Variants in ZNF343 observed in about 807,000 individuals in gnomAD.
The protein encoded by ZNF343 is zinc finger protein 343.
A neutral mutation model predicts 13.8 loss-of-function variants in ZNF343; 11 were observed. The ratio of observed to expected loss-of-function variants is 0.80; its 90% confidence interval spans 0.50 to 1.32. The LOEUF is 1.32. Among genes scored for constraint, ZNF343 ranks in the 40% most tolerant of loss-of-function variants. ZNF343 has a pLI of 0.00. For synonymous variants in ZNF343, 248 were observed against 260.0 expected (o/e 0.95, Z 0.44); for missense variants, 658 against 714.2 (o/e 0.92, Z 0.90).
Position 2,483,567 on chromosome 20 carries a change from T to A in ZNF343, c.1394A>T (p.Tyr465Phe). 1.2e-6 allele frequency: 2 copies of A among 1,612,318 alleles called. No homozygotes were observed. The highest frequency in any genetic ancestry group is 4.5e-5 in the East Asian group (2 of 44,808). Residue 465 changes from tyrosine to phenylalanine, a missense_variant, in exon 6 of 6, where the codon TAT (tyrosine) becomes TTT (phenylalanine). Tyr to Phe is a conservative substitution (Grantham distance 22). Coordinates refer to ENST00000278772, the MANE Select transcript of ZNF343 (RefSeq NM_024325.6). ...GCCTCGGCCACACTCACCACACACA[T>A]AAGGCTTCTCTCCAGAGTGCGTCCG... ...HERTHSGEKP[Y>F]VCGECGRGFS... is the part of the protein sequence containing the mutation.
intron 5 of ZNF343, among the ~76,000 whole-genome samples, chr20:2,488,744 C>A (rs941058322): frequency 6.6e-6 from 1 of 152,104 alleles, no homozygotes; most frequent in African/African-American, 2.4e-5. Flanking sequence ...TGATTTTAAT[C>A]TATAAAAATA....
At chr20:2,517,155 A>G (rs967694572) in intron 1 of ZNF343, among the ~76,000 whole-genome samples, 16 of 152,218 alleles carry the variant, frequency 1.1e-4, no homozygotes, top group Non-Finnish European at 2.1e-4. Flanking sequence ...TTCATTGTGC[A>G]TTAGAGCATA....
intron 1 of ZNF343, among the ~76,000 whole-genome samples, chr20:2,523,979 C>CAAAA (rs56321237): frequency 9.6e-6 from 1 of 104,310 alleles, no homozygotes; most frequent in African/African-American, 4.6e-5. Context: ...GACCCCGTCT[C>CAAAA]AAAAAAAAAA....
chr20:2,523,979 C>CAAAAAAAAA (rs56321237), intron 1 of ZNF343, among the ~76,000 whole-genome samples: 1 of 104,324 alleles, frequency 9.6e-6, no homozygotes. Context: ...GACCCCGTCT[C>CAAAAAAAAA]AAAAAAAAAA....
intron 1 of ZNF343, among the ~76,000 whole-genome samples, chr20:2,515,869 G>A (rs183126531): frequency 2.4e-4 from 36 of 152,274 alleles, no homozygotes; most frequent in South Asian, 4.2e-4. Context: ...CAGTCAGGGC[G>A]ATGATCCGTA....
At chr20:2,498,361 A>C (rs2085496596) in intron 2 of ZNF343, among the ~76,000 whole-genome samples, 1 of 152,270 alleles carries the variant, frequency 6.6e-6, no homozygotes, top group South Asian at 2.1e-4. Flanking sequence ...CGTCTCCAAA[A>C]AAATAAAAAG....
At chr20:2,520,024 C>T (rs900672467) in intron 1 of ZNF343, among the ~76,000 whole-genome samples, 1 of 152,132 alleles carries the variant, frequency 6.6e-6, no homozygotes, top group Admixed American at 6.6e-5. Flanking sequence ...CTGACCATTT[C>T]ACACTTATTA....
intron 2 of ZNF343, among the ~76,000 whole-genome samples, chr20:2,500,041 A>G (rs534391818): frequency 2.0e-5 from 3 of 151,958 alleles, no homozygotes; most frequent in South Asian, 2.1e-4. Flanking sequence ...AATGCATAGG[A>G]TAGTATTTAT....
chr20:2,499,691 A>T (rs2085528079), intron 2 of ZNF343, among the ~76,000 whole-genome samples: 2 of 152,082 alleles, frequency 1.3e-5, no homozygotes, highest in African/African-American at 4.8e-5. Context: ...CACTAATTAG[A>T]AGGATGAGAA....
chr20:2,522,608 A>C (rs1229452440), intron 1 of ZNF343, among the ~76,000 whole-genome samples: 1 of 152,238 alleles, frequency 6.6e-6, no homozygotes, highest in Admixed American at 6.5e-5. Context: ...AAGCTGCTTA[A>C]TTACATTTAT....
chr20:2,490,157 G>T (rs1018509514), intron 5 of ZNF343, among the ~76,000 whole-genome samples: 1 of 152,130 alleles, frequency 6.6e-6, no homozygotes, highest in South Asian at 2.1e-4. Flanking sequence ...TGTGGTTGCA[G>T]GCAAGGAGAA....
In ZNF343 at chr20:2,518,057, A is replaced by G. The variant is rs907995656; in HGVS notation, c.-347+6398T>C. Among the ~76,000 whole-genome samples, 22 of 149,436 alleles carry G rather than the reference A, an allele frequency of 1.5e-4. No homozygotes were observed. The highest frequency in any genetic ancestry group is 4.9e-4 in the African/African-American group (20 of 40,460). ...GAGACAGAGTCTCACTCTGTTACCC[A>G]GGCTGGAGTGCAGTGGCTCGATCTC... is the stretch of plus-strand genomic sequence containing the variant. On this transcript the variant is annotated intron_variant, in intron 1 of 6. Transcript: ENST00000358413. The surrounding 1 kb of genome is among the most constrained non-coding windows in gnomAD (Gnocchi z 4.6).
At chr20:2,506,290 A>C (rs1243732946) in intron 1 of ZNF343, among the ~76,000 whole-genome samples, 3 of 152,268 alleles carry the variant, frequency 2.0e-5, no homozygotes, top group Admixed American at 6.5e-5. Context: ...AAAAGTCAGG[A>C]AACAACAGGT....
intron 1 of ZNF343, among the ~76,000 whole-genome samples, chr20:2,516,829 G>A (rs1229073672): frequency 6.6e-6 from 1 of 152,030 alleles, no homozygotes; most frequent in Non-Finnish European, 1.5e-5. Context: ...GAGGATAAAG[G>A]TCAGGCTCAA....
intron 1 of ZNF343, among the ~76,000 whole-genome samples, chr20:2,500,943 G>A (rs933368433): frequency 6.6e-6 from 1 of 152,176 alleles, no homozygotes; most frequent in African/African-American, 2.4e-5. Context: ...ATCTCACTGG[G>A]GAGTGTCAGA....
At chr20:2,491,839 G>A (rs752066933) in intron 5 of ZNF343, 2 of 151,934 alleles carry the variant, frequency 1.3e-5, no homozygotes, top group Non-Finnish European at 2.9e-5. Flanking sequence ...TATCAACCCA[G>A]ATTTAAATAT....
Position 2,484,589 on chromosome 20 carries a change from G to T in ZNF343, c.372C>A (p.Leu124=). ...GGAAGATCTGAAGTACATGTTGACT[G>T]AGGAACTGCTGACAGGAGAAGGCCA... is the stretch of plus-strand genomic sequence containing the variant. The part of the protein sequence containing the change: ...CLLAFSCQQF[L]SQHVLQIFLG... Residue 124 remains leucine, a synonymous_variant, in exon 6 of 6, where the codon CTC becomes CTA. Transcript: ENST00000278772. The T allele has an allele frequency of 6.2e-7, 1 of 1,613,952 alleles. No homozygotes were observed. Among genetic ancestry groups the T allele is most frequent in the Non-Finnish European group, 8.5e-7 (1 of 1,179,918 alleles).
At position 2,492,838 on chromosome 20, in the gene ZNF343, A is replaced by T; in HGVS notation, c.178-13T>A. ...ATGTAACTGGTACCTACAAACAACC[A>T]GTAAATTAATGTATAGCAAGCCACC... On this transcript the variant is annotated splice_polypyrimidine_tract_variant and intron_variant, in intron 4 of 5. Coordinates refer to ENST00000278772, the MANE Select transcript of ZNF343 (RefSeq NM_024325.6). 6.2e-7 allele frequency: 1 copy of T among 1,612,200 alleles called. No homozygotes were observed. Among genetic ancestry groups the T allele is most frequent in the Non-Finnish European group, 8.5e-7 (1 of 1,179,976 alleles).
chr20:2,484,301 T>A lies in ZNF343; in HGVS notation c.660A>T (p.Arg220Ser), dbSNP rs1322079410. The part of the protein sequence containing the change: ...VVETEPSSAQ[R>S]PNPVQLDKGL... ...CTTTGTCTAGCTGCACAGGGTTTGGTCTTTGGGCTGAGCTGGGCTCTGTTT... is the reference window on the plus strand; with the variant it reads ...CTTTGTCTAGCTGCACAGGGTTTGGACTTTGGGCTGAGCTGGGCTCTGTTT... The change falls in exon 6 of 6, where the codon AGA becomes AGT. Residue 220 changes from arginine to serine, a missense_variant. Arg to Ser is a moderately radical substitution (Grantham distance 110, BLOSUM62 -1). Coordinates refer to ENST00000278772, the MANE Select transcript of ZNF343 (RefSeq NM_024325.6). 1.9e-6 allele frequency: 3 copies of A among 1,614,064 alleles called. No individual in the cohort carries two copies. Among genetic ancestry groups the A allele is most frequent in the African/African-American group, 2.7e-5 (2 of 74,926 alleles).
Sources: allele counts gnomAD v4.1 joint callset (sites outside exome capture counted in the v4.1 genomes callset), GRCh38; gene constraint gnomAD v4.1.1; non-coding constraint Gnocchi (gnomAD v3.1); transcripts MANE v1.5; gene names NCBI Gene and HGNC (gene_info 2026-07-23, HGNC 2026-07-21).